The following BCAS3 variants were observed in gnomAD, a reference collection of about 807,000 sequenced individuals.
The protein encoded by BCAS3 is BCAS4/BCAS3 fusion.
A neutral mutation model predicts 116.1 loss-of-function variants in BCAS3; 53 were observed. The ratio of observed to expected loss-of-function variants is 0.46; its 90% CI spans 0.37 to 0.57. The LOEUF (loss-of-function observed/expected upper bound fraction) is 0.57, where lower values mean the gene tolerates loss of function less well. Ranked by LOEUF, BCAS3 falls within the 20% of genes least tolerant of loss-of-function variation. The probability of loss-of-function intolerance (pLI) is 0.00; values close to 1 mark genes in which losing one functional copy is unlikely to be tolerated. For missense variants in BCAS3, 917 were observed against 1,165.4 expected (o/e 0.79, Z 3.10); for synonymous variants, 391 against 408.2 (o/e 0.96, Z 0.51).
chr17:60,806,044 T>C, intron 6 of BCAS3, among the ~76,000 whole-genome samples: 1 of 147,590 alleles, frequency 6.8e-6, no homozygotes, highest in African/African-American at 2.5e-5. Flanking sequence ...ATTTTTGTAT[T>C]TTTTTTTTTT....
chr17:61,009,024 A>G (rs367875771), intron 15 of BCAS3, among the ~76,000 whole-genome samples: 1 of 152,004 alleles, frequency 6.6e-6, no homozygotes, highest in African/African-American at 2.4e-5. Context: ...AGATAAGTGT[A>G]TGGAGAGGTG....
chr17:61,142,473 T>C (rs780946772), intron 22 of BCAS3, among the ~76,000 whole-genome samples: 3 of 152,166 alleles, frequency 2.0e-5, no homozygotes, highest in Non-Finnish European at 2.9e-5. Context: ...ACAAAAGTCC[T>C]GTGTATCTGA....
chr17:61,158,493 T>C (rs181558787), intron 22 of BCAS3, among the ~76,000 whole-genome samples: 25 of 152,320 alleles, frequency 1.6e-4, no homozygotes, highest in Admixed American at 1.6e-3. Flanking sequence ...ACTGAATTCA[T>C]GTAGCTATTA....
intron 8 of BCAS3, among the ~76,000 whole-genome samples, chr17:60,872,025 T>C (rs2055151572): frequency 6.6e-6 from 1 of 152,100 alleles, no homozygotes; most frequent in South Asian, 2.1e-4. Flanking sequence ...TTGTTAATAG[T>C]GATATTCTTG....
chr17:60,918,821 T>A (rs986096117), intron 12 of BCAS3, among the ~76,000 whole-genome samples: 6 of 151,586 alleles, frequency 4.0e-5, no homozygotes, highest in East Asian at 3.9e-4. Flanking sequence ...GCCTCCTGAG[T>A]AGCTGGGACT....
chr17:61,279,810 G>A lies in BCAS3; in HGVS notation c.2426-88517G>A, dbSNP rs1047711613. Among the ~76,000 whole-genome samples the A allele has an allele frequency of 7.9e-5, 12 of 151,430 alleles. No individual in the cohort carries two copies. Among genetic ancestry groups the A allele is most frequent in the Non-Finnish European group, 1.6e-4 (11 of 67,962 alleles). ...AAAAAAACTAGGCAGGTAACCACAA[G>A]CCAAGTTGGGCTTGGCTGCTGCAGG... On this transcript the variant is annotated intron_variant, in intron 22 of 23. Transcript: ENST00000407086. The surrounding 1 kb of genome is among the most constrained non-coding windows in gnomAD (Gnocchi z 4.4).
chr17:60,963,755 C>T (rs1225811032), intron 14 of BCAS3, among the ~76,000 whole-genome samples: 2 of 152,088 alleles, frequency 1.3e-5, no homozygotes, highest in Non-Finnish European at 2.9e-5. Context: ...CAGGCTTTCA[C>T]TGTGTTAGCC....
intron 13 of BCAS3, among the ~76,000 whole-genome samples, chr17:60,938,032 C>T (rs1258833780): frequency 7.3e-5 from 11 of 151,006 alleles, no homozygotes; most frequent in East Asian, 1.9e-4. Context: ...TTTTTTGAGA[C>T]GGAGCTGGAG....
At chr17:61,295,892 T>C (rs1463154014) in intron 22 of BCAS3, among the ~76,000 whole-genome samples, 1 of 150,498 alleles carries the variant, frequency 6.6e-6, no homozygotes, top group Non-Finnish European at 1.5e-5. Flanking sequence ...GAGGCGGAGG[T>C]TGCAGTGAGC....
In BCAS3 at chr17:61,227,547, T is replaced by C. The variant is rs2082432496; in HGVS notation, c.2426-140780T>C. Among the ~76,000 whole-genome samples, 1 of 152,200 alleles carries C rather than the reference T, an allele frequency of 6.6e-6. No homozygotes were observed. The highest frequency in any genetic ancestry group is 2.1e-4 in the South Asian group (1 of 4,826). ...CCATGAATGAAGTGAAATGACCAGG[T>C]AGACAGTAGAACCAGGCCTGTGTGC... On this transcript the variant is annotated intron_variant, in intron 22 of 23. Transcript: ENST00000407086. The surrounding 1 kb of genome is among the most constrained non-coding windows in gnomAD (Gnocchi z 6.1).
intron 22 of BCAS3, among the ~76,000 whole-genome samples, chr17:61,232,421 T>C (rs1484479379): frequency 6.6e-6 from 1 of 152,138 alleles, no homozygotes; most frequent in African/African-American, 2.4e-5. Context: ...GGAGTAATTT[T>C]CCTCAAAATC....
chr17:61,172,196 G>A (rs2078876560), intron 22 of BCAS3, among the ~76,000 whole-genome samples: 1 of 152,074 alleles, frequency 6.6e-6, no homozygotes, highest in South Asian at 2.1e-4. Flanking sequence ...CAATAGAATA[G>A]ACAAAGAATC....
intron 22 of BCAS3, among the ~76,000 whole-genome samples, chr17:61,338,893 A>G (rs1197465566): frequency 2.6e-5 from 3 of 117,408 alleles, no homozygotes; most frequent in African/African-American, 1.1e-4. Flanking sequence ...ACTGGGAAAA[A>G]AAAAAAAAAA....
intron 7 of BCAS3, among the ~76,000 whole-genome samples, chr17:60,866,486 A>G (rs2054605154): frequency 6.6e-6 from 1 of 152,208 alleles, no homozygotes; most frequent in Admixed American, 6.5e-5. Context: ...ATATAGATAT[A>G]CAAGCATATA....
chr17:60,951,316 GAAT>G (rs1445381628), intron 14 of BCAS3, among the ~76,000 whole-genome samples: 1 of 151,814 alleles, frequency 6.6e-6, no homozygotes, highest in Non-Finnish European at 1.5e-5. Flanking sequence ...TTTGCTTTTT[GAAT>G]AATATCTTTT....
At chr17:60,749,978 C>A (rs946162585) in intron 6 of BCAS3, among the ~76,000 whole-genome samples, 3 of 152,042 alleles carry the variant, frequency 2.0e-5, no homozygotes, top group Non-Finnish European at 4.4e-5. Flanking sequence ...CCAGAGTGGC[C>A]AACATAGTGA....
At position 61,070,054 on chromosome 17, in the gene BCAS3, C is replaced by T. The variant is rs750952091; in HGVS notation, c.2030-4866C>T. On this transcript the variant is annotated intron_variant, in intron 19 of 23. Transcript: ENST00000407086. The stretch of plus-strand genomic sequence containing the variant: ...ACTCTGGAGACAGCCCAAATATCCT[C>T]GGAAGAGCGCTCCCAGGAGAAACAA... The T allele has an allele frequency of 1.5e-5, 24 of 1,591,468 alleles. No homozygotes were observed. The South Asian group carries it at 2.0e-4, about 13-fold the overall frequency.
intron 19 of BCAS3, among the ~76,000 whole-genome samples, chr17:61,062,790 T>C (rs2070201972): frequency 2.0e-5 from 3 of 152,214 alleles, no homozygotes; most frequent in Admixed American, 2.0e-4. Flanking sequence ...CAATGCTGTC[T>C]TTTTTACATT....
chr17:61,295,243 A>C (rs2052778506), intron 22 of BCAS3, among the ~76,000 whole-genome samples: 1 of 152,206 alleles, frequency 6.6e-6, no homozygotes, highest in African/African-American at 2.4e-5. Flanking sequence ...GTGCTGGATT[A>C]CTAGGGAGCC....
Sources: gnomAD v4.1 joint callset for allele counts (sites outside exome capture counted in the v4.1 genomes callset) on GRCh38, gnomAD v4.1.1 for gene constraint, Gnocchi (gnomAD v3.1) non-coding constraint, MANE v1.5 for transcripts, NCBI Gene and HGNC (gene_info 2026-07-23, HGNC 2026-07-21) for gene names.